Variants in MMP26 observed in about 807,000 individuals in gnomAD.
MMP26 encodes matrix metalloproteinase-26.
In MMP26, 33 loss-of-function variants were observed where a neutral mutation model predicts 31.0. The observed-to-expected ratio is 1.06, with a 90% CI of 0.81 to 1.42. The LOEUF is 1.42. Among genes scored for constraint, MMP26 ranks in the 40% most tolerant of loss-of-function variants. The pLI is 0.00. For missense variants in MMP26, 347 were observed against 316.1 expected, an observed-to-expected ratio of 1.10 and a Z score of -0.74; for synonymous variants, 122 against 114.9, an observed-to-expected ratio of 1.06 and a Z score of -0.40.
intron 1 of MMP26, among the ~76,000 whole-genome samples, chr11:4,716,650 CTTT>C (rs71050424): frequency 2.6e-4 from 17 of 65,038 alleles, no homozygotes; most frequent in Middle Eastern, 0.017. Flanking sequence ...TCTCTTACCT[CTTT>C]TTTTTTTTTT....
chr11:4,901,149 C>CTTTTTTTTTTTTTTT (rs55678976), intron 2 of MMP26, among the ~76,000 whole-genome samples: 1 of 84,518 alleles, frequency 1.2e-5, no homozygotes, highest in Non-Finnish European at 2.2e-5. Context: ...CCTCTTTGTG[C>CTTTTTTTTTTTTTTT]TTTTTTTTTT....
At chr11:4,833,821 A>G (rs886657077) in intron 2 of MMP26, among the ~76,000 whole-genome samples, 1 of 152,192 alleles carries the variant, frequency 6.6e-6, no homozygotes, top group African/African-American at 2.4e-5. Context: ...CAGTGTTTAT[A>G]GTAAAGATAA....
At chr11:4,808,224 T>C (rs1383206886) in intron 2 of MMP26, among the ~76,000 whole-genome samples, 1 of 152,024 alleles carries the variant, frequency 6.6e-6, no homozygotes, top group African/African-American at 2.4e-5. Context: ...AGTATCGAGG[T>C]GCATGACTTT....
chr11:4,748,378 G>A (rs1416408935), intron 1 of MMP26, among the ~76,000 whole-genome samples: 1 of 151,834 alleles, frequency 6.6e-6, no homozygotes, highest in Non-Finnish European at 1.5e-5. Flanking sequence ...AAGAAGAGTT[G>A]GTACCAATCC....
At chr11:4,947,098 C>T in intron 2 of MMP26, 2 of 1,413,188 alleles carry the variant, frequency 1.4e-6, no homozygotes, top group Non-Finnish European at 2.0e-6. Context: ...TGATAATGGA[C>T]ATGATTCATT....
intron 1 of MMP26, among the ~76,000 whole-genome samples, chr11:4,760,028 T>C (rs1848553410): frequency 6.6e-6 from 1 of 152,228 alleles, no homozygotes; most frequent in Non-Finnish European, 1.5e-5. Flanking sequence ...AAGGCCTTAT[T>C]CTTATCTAGC....
At chr11:4,987,938 C>T in intron 2 of MMP26, 130 bp from the exon 3 acceptor site, 1 of 481,286 alleles carries the variant, frequency 2.1e-6, no homozygotes, top group Non-Finnish European at 3.8e-6. Context: ...TATTCTGAGA[C>T]TGACCTGTAT....
At chr11:4,866,258 G>A (rs1327974007) in intron 2 of MMP26, among the ~76,000 whole-genome samples, 1 of 152,156 alleles carries the variant, frequency 6.6e-6, no homozygotes, top group Non-Finnish European at 1.5e-5. Context: ...TAGTGCAAGA[G>A]ATTTATTTTG....
intron 2 of MMP26, among the ~76,000 whole-genome samples, chr11:4,949,902 G>T (rs1469043778): frequency 8.2e-6 from 1 of 122,180 alleles, no homozygotes; most frequent in East Asian, 2.3e-4. Flanking sequence ...CCCATTTCAG[G>T]TACCCAGAAT....
In MMP26 at chr11:4,779,133, G is replaced by A. The variant is rs78762847; in HGVS notation, c.-145+11792G>A. 3.8e-4 allele frequency among the ~76,000 whole-genome samples: 57 copies of A among 151,848 alleles called. No individual in the cohort carries two copies. The South Asian group carries it at 7.3e-3, about 19-fold the overall frequency. On this transcript the variant is annotated intron_variant, in intron 2 of 7. Coordinates refer to ENST00000380390, the MANE Select transcript of MMP26 (RefSeq NM_021801.5). ...GCCTCATTTCAATTCTTAAGGTCTCGGATACAAAGTTAAGTAGAAGTGGTG... is the reference window on the plus strand; with the variant it reads ...GCCTCATTTCAATTCTTAAGGTCTCAGATACAAAGTTAAGTAGAAGTGGTG...
intron 2 of MMP26, among the ~76,000 whole-genome samples, chr11:4,826,310 G>A (rs148899729): frequency 3.0e-4 from 46 of 152,220 alleles, no homozygotes; most frequent in Admixed American, 8.5e-4. Context: ...ACCTGGGGTG[G>A]CTCCAGCCCA....
chr11:4,946,030 G>T, intron 2 of MMP26: 1 of 841,200 alleles, frequency 1.2e-6, no homozygotes, highest in Non-Finnish European at 1.9e-6. Context: ...AGTATCCAGA[G>T]TGAATAAAAT....
chr11:4,875,596 A>T (rs1199977960), intron 2 of MMP26: 1 of 152,036 alleles, frequency 6.6e-6, no homozygotes, highest in Non-Finnish European at 1.5e-5. Flanking sequence ...TCAATAATTC[A>T]TGTCCAGTCC....
intron 1 of MMP26, among the ~76,000 whole-genome samples, chr11:4,741,852 A>G (rs1293848439): frequency 6.6e-6 from 1 of 152,212 alleles, no homozygotes; most frequent in African/African-American, 2.4e-5. Flanking sequence ...TGCATAAAGA[A>G]AAAAGGGACG....
intron 2 of MMP26, chr11:4,945,043 A>C (rs764502255): frequency 2.0e-5 from 3 of 152,160 alleles, no homozygotes; most frequent in Non-Finnish European, 4.4e-5. Context: ...AGTACACTTT[A>C]TTCAAGAAGA....
chr11:4,737,079 AGT>A (rs1264893806), intron 1 of MMP26: 1 of 152,280 alleles, frequency 6.6e-6, no homozygotes, highest in African/African-American at 2.4e-5. Flanking sequence ...GAGAAGAGGA[AGT>A]GATGTTAAGA....
At chr11:4,782,054 A>G (rs1848871672) in intron 2 of MMP26, among the ~76,000 whole-genome samples, 2 of 152,194 alleles carry the variant, frequency 1.3e-5, no homozygotes, top group South Asian at 2.1e-4. Context: ...CAGCATGACA[A>G]TAGACTAATG....
chr11:4,956,235 A>G (rs546197527), intron 2 of MMP26, among the ~76,000 whole-genome samples: 1 of 152,308 alleles, frequency 6.6e-6, no homozygotes, highest in South Asian at 2.1e-4. Flanking sequence ...ATCCTGATAT[A>G]CAAACCCAAG....
intron 2 of MMP26, among the ~76,000 whole-genome samples, chr11:4,935,178 T>C (rs1851416459): frequency 6.6e-6 from 1 of 151,842 alleles, no homozygotes; most frequent in Non-Finnish European, 1.5e-5. Context: ...GTATGGCCGT[T>C]TTCACGATAT....
Sources: gnomAD v4.1 joint callset for allele counts (sites outside exome capture counted in the v4.1 genomes callset) on GRCh38, gnomAD v4.1.1 for gene constraint, MANE v1.5 for transcripts, NCBI Gene and HGNC (gene_info 2026-07-23, HGNC 2026-07-21) for gene names.